Variants in HSH2D observed in about 807,000 individuals in gnomAD.
HSH2D encodes the protein hematopoietic SH2 domain-containing protein.
In HSH2D, 16 loss-of-function variants were observed where a neutral mutation model predicts 21.5. The ratio of observed to expected loss-of-function variants is 0.74; its 90% CI spans 0.50 to 1.13. HSH2D has a LOEUF of 1.13. Among genes scored for constraint, HSH2D ranks in the 50% most tolerant of loss-of-function variants. HSH2D has a pLI of 0.00. For synonymous variants in HSH2D, 172 were observed against 184.7 expected, an observed-to-expected ratio of 0.93 and a Z score of 0.56; for missense variants, 418 against 441.4, an observed-to-expected ratio of 0.95 and a Z score of 0.47.
upstream of HSH2D, among the ~76,000 whole-genome samples, chr19:16,142,378 T>C (rs1210184030): frequency 6.6e-6 from 1 of 152,256 alleles, no homozygotes; most frequent in East Asian, 1.9e-4. Flanking sequence ...TTTGTGCAAC[T>C]GCTGTTCCCA....
chr19:16,136,077 A>G (rs1206885168), intron 1 of HSH2D, among the ~76,000 whole-genome samples: 1 of 152,076 alleles, frequency 6.6e-6, no homozygotes, highest in Non-Finnish European at 1.5e-5. Flanking sequence ...CCACCTGACC[A>G]TGCTAGAGGC....
chr19:16,151,155 C>T (rs772540407), intron 2 of HSH2D, among the ~76,000 whole-genome samples: 7 of 151,972 alleles, frequency 4.6e-5, no homozygotes, highest in Non-Finnish European at 8.8e-5. Flanking sequence ...GAAACCCCGT[C>T]TCTACTAAAA....
At chr19:16,151,917 C>T (rs541725429) in intron 2 of HSH2D, among the ~76,000 whole-genome samples, 14 of 141,986 alleles carry the variant, frequency 9.9e-5, no homozygotes, top group Non-Finnish European at 2.1e-4. Context: ...ACCAGCCTGG[C>T]CAACATGGTG....
At chr19:16,153,382 G>T (rs931331455) in intron 4 of HSH2D, among the ~76,000 whole-genome samples, 174 bp downstream of exon 4, 3 of 152,244 alleles carry the variant, frequency 2.0e-5, no homozygotes, top group Non-Finnish European at 2.9e-5. Context: ...CTCCGTTGTG[G>T]TTCCTGCTTC....
intron 2 of HSH2D, chr19:16,151,468 C>G (rs1376320914): frequency 2.2e-6 from 1 of 452,110 alleles, no homozygotes; most frequent in Non-Finnish European, 4.4e-6. Flanking sequence ...GTGGAGTTTA[C>G]TCTCCCCTTG....
chr19:16,149,907 G>A (rs916588641), intron 2 of HSH2D, among the ~76,000 whole-genome samples: 2 of 152,062 alleles, frequency 1.3e-5, no homozygotes, highest in African/African-American at 2.4e-5. Flanking sequence ...ACCTCAGACT[G>A]TGAGCTCTGA....
In HSH2D at chr19:16,152,984, G is replaced by T. The variant is rs1266436025; in HGVS notation, c.216-59G>T. Reference sequence around the variant, plus strand: ...GTGACGCTGCCGGCCCAAGGGCTGGGGACTTGGGGCAGGGATGAGGGGGAG... The same window carrying T: ...GTGACGCTGCCGGCCCAAGGGCTGGTGACTTGGGGCAGGGATGAGGGGGAG... On this transcript the variant is annotated intron_variant, in intron 3 of 5. Coordinates refer to ENST00000613986, the MANE Select transcript of HSH2D (RefSeq NM_001382417.1). The T allele has an allele frequency of 3.2e-6, 5 of 1,566,916 alleles. No individual in the cohort carries two copies. In the Admixed American group the frequency reaches 9.4e-5, roughly 29 times the overall value.
chr19:16,135,119 T>TA (rs1172296236), intron 1 of HSH2D, among the ~76,000 whole-genome samples: 1 of 151,766 alleles, frequency 6.6e-6, no homozygotes, highest in Non-Finnish European at 1.5e-5. Context: ...TTACTAAAAA[T>TA]ACAAAAATTA....
intron 1 of HSH2D, among the ~76,000 whole-genome samples, chr19:16,137,050 C>T (rs1240685277): frequency 6.6e-6 from 1 of 152,142 alleles, no homozygotes; most frequent in Non-Finnish European, 1.5e-5. Flanking sequence ...TCCTTGTTCT[C>T]CATGGCCATG....
intron 5 of HSH2D, among the ~76,000 whole-genome samples, chr19:16,155,973 G>C (rs1340801430): frequency 6.6e-6 from 1 of 151,974 alleles, no homozygotes; most frequent in Non-Finnish European, 1.5e-5. Context: ...GGCACTGGTG[G>C]AGATGGAAAG....
chr19:16,150,266 G>A (rs2091130632), intron 2 of HSH2D, among the ~76,000 whole-genome samples: 1 of 152,018 alleles, frequency 6.6e-6, no homozygotes, highest in Admixed American at 6.6e-5. Context: ...TAGGCTGGGT[G>A]CAGTGGCTCA....
At chr19:16,151,153 G>A (rs1022270306) in intron 2 of HSH2D, among the ~76,000 whole-genome samples, 13 of 151,882 alleles carry the variant, frequency 8.6e-5, no homozygotes, top group African/African-American at 2.7e-4. Context: ...GTGAAACCCC[G>A]TCTCTACTAA....
At chr19:16,139,485 G>A (rs185456856), upstream of HSH2D, among the ~76,000 whole-genome samples, 1 of 152,312 alleles carries the variant, frequency 6.6e-6, no homozygotes, top group Admixed American at 6.5e-5. Context: ...GGGAGGCTGA[G>A]GCGGGAGGAT....
intron 1 of HSH2D, among the ~76,000 whole-genome samples, chr19:16,147,180 G>C (rs2091082754): frequency 6.6e-6 from 1 of 151,898 alleles, no homozygotes; most frequent in Non-Finnish European, 1.5e-5. Flanking sequence ...GAACTTTCTA[G>C]TCCTTGCAAT....
At chr19:16,141,145 A>G (rs1177680720), upstream of HSH2D, among the ~76,000 whole-genome samples, 1 of 152,230 alleles carries the variant, frequency 6.6e-6, no homozygotes, top group Non-Finnish European at 1.5e-5. Context: ...GCACAGATGC[A>G]GAACTGAGGC....
At chr19:16,151,838 G>T (rs2145048008) in intron 2 of HSH2D, among the ~76,000 whole-genome samples, 1 of 151,320 alleles carries the variant, frequency 6.6e-6, no homozygotes, top group Non-Finnish European at 1.5e-5. Context: ...GGGCACAGTG[G>T]CTCACACCTG....
At chr19:16,142,006 A>C (rs771724304), upstream of HSH2D, 3 of 152,214 alleles carry the variant, frequency 2.0e-5, no homozygotes, top group Admixed American at 1.3e-4. Flanking sequence ...GGATCACTTG[A>C]GTCCAGCAGT....
At chr19:16,143,536 GGCAAGACAGGA>G (rs2091021907), upstream of HSH2D, 1 of 283,740 alleles carries the variant, frequency 3.5e-6, no homozygotes, top group Non-Finnish European at 7.3e-6. Flanking sequence ...ACTTGCTGGG[GGCAAGACAGGA>G]GCAAGCTGTC....
At position 16,150,281 on chromosome 19, in the gene HSH2D, TG is replaced by T. The variant is rs1171793576; in HGVS notation, c.125+1407del. On this transcript the variant is annotated intron_variant, in intron 2 of 5. Transcript: ENST00000613986. ...TAGGCTGGGTGCAGTGGCTCATGCT[TG>T]TAATCCCAGCACTTTGGGAGGCCGA... Among the ~76,000 whole-genome samples, 4 of 152,062 alleles carry T rather than the reference TG, an allele frequency of 2.6e-5. No homozygotes were observed. In the East Asian group the frequency reaches 5.8e-4, roughly 22 times the overall value.
Sources: allele counts gnomAD v4.1 joint callset (sites outside exome capture counted in the v4.1 genomes callset), GRCh38; gene constraint gnomAD v4.1.1; transcripts MANE v1.5; gene names NCBI Gene and HGNC (gene_info 2026-07-23, HGNC 2026-07-21).